Variants in SMG6 observed in about 807,000 individuals in gnomAD.
SMG6 encodes the protein telomerase-binding protein EST1A.
Under a neutral mutation model 142.2 loss-of-function variants are expected in SMG6, and 66 were observed. That is an observed-to-expected ratio of 0.46 (90% CI 0.38 to 0.57). SMG6 has a LOEUF of 0.57. Among genes scored for constraint, SMG6 ranks in the 20% least tolerant of loss-of-function variants. The pLI, the probability that SMG6 is intolerant of heterozygous loss-of-function variation, is 0.00. For missense variants in SMG6, 1,793 were observed against 1,832.0 expected, an observed-to-expected ratio of 0.98 and a Z score of 0.39; for synonymous variants, 779 against 702.4, an observed-to-expected ratio of 1.11 and a Z score of -1.72.
intron 16 of SMG6, among the ~76,000 whole-genome samples, chr17:2,067,012 T>A (rs1452285970): frequency 6.6e-6 from 1 of 151,944 alleles, no homozygotes; most frequent in Non-Finnish European, 1.5e-5. Flanking sequence ...AGGACGTGAG[T>A]CTACCAAGGA....
rs1415426546 is a variant in SMG6 at position 2,061,415 on chromosome 17, C to G, written c.*77G>C. 7.1e-7 allele frequency: 1 copy of G among 1,411,958 alleles called. No homozygotes were observed. The highest frequency in any genetic ancestry group is 9.6e-7 in the Non-Finnish European group (1 of 1,046,066). The allele number at this position is 1,411,958 out of a possible 1,614,324, so 87.5% of individuals were successfully genotyped here. Reference sequence around the variant, plus strand: ...TGGATTGGTGGCTCAGGCACGTGGGCATCTTCCGTGCTACACTGGGCGCCT... The same window carrying G: ...TGGATTGGTGGCTCAGGCACGTGGGGATCTTCCGTGCTACACTGGGCGCCT... On this transcript the variant is annotated 3_prime_UTR_variant, in exon 19 of 19. Coordinates refer to ENST00000263073, the MANE Select transcript of SMG6 (RefSeq NM_017575.5).
rs868057822 is a variant in SMG6, at chr17:2,184,338, G to C, written c.3155+2325C>G. ...AGATCATGCCACTGCACTTGAACCT[G>C]GGCAACAGAGCAAGACTCTGGGGGG... On this transcript the variant is annotated intron_variant, in intron 12 of 18. Coordinates refer to ENST00000263073, the MANE Select transcript of SMG6 (RefSeq NM_017575.5). 1.5e-4 allele frequency among the ~76,000 whole-genome samples: 22 copies of C among 149,550 alleles called. No homozygotes were observed. The South Asian group carries it at 1.7e-3, about 12-fold the overall frequency.
In SMG6 at chr17:2,283,628, C is replaced by T. The variant is rs754556862; in HGVS notation, c.2445G>A (p.Arg815=). The T allele has an allele frequency of 3.1e-6, 5 of 1,613,374 alleles. No individual in the cohort carries two copies. Among genetic ancestry groups the T allele is most frequent in the African/African-American group, 2.7e-5 (2 of 75,038 alleles). The change falls in exon 7 of 19, where the codon CGG becomes CGA. Residue 815 remains arginine (R), a synonymous_variant. Transcript: ENST00000263073. ...SLMSLFEETK[R]KAEQMEKKQH... is the part of the protein sequence containing the mutation. ...GTTCTGCCACATCCCCACTCACCTT[C>T]CGCTTGGTCTCTTCAAACAAGCTCA... is the stretch of plus-strand genomic sequence containing the variant.
At chr17:2,241,407 C>T (rs1042293959) in intron 9 of SMG6, among the ~76,000 whole-genome samples, 20 of 152,174 alleles carry the variant, frequency 1.3e-4, no homozygotes, top group Admixed American at 3.3e-4. Flanking sequence ...CCATAAAAAT[C>T]AAGACTATCC....
intron 13 of SMG6, among the ~76,000 whole-genome samples, chr17:2,132,141 G>A (rs933136157): frequency 1.3e-4 from 20 of 151,940 alleles, no homozygotes; most frequent in South Asian, 2.1e-4. Flanking sequence ...TCAAAGTGTC[G>A]GGATTACAGG....
At chr17:2,150,064 C>G (rs991475050) in intron 13 of SMG6, among the ~76,000 whole-genome samples, 1 of 152,186 alleles carries the variant, frequency 6.6e-6, no homozygotes, top group Non-Finnish European at 1.5e-5. Flanking sequence ...TGGTACCAGT[C>G]CATGGCTTGT....
intron 10 of SMG6, among the ~76,000 whole-genome samples, chr17:2,209,658 C>T (rs1215737576): frequency 2.0e-5 from 3 of 152,098 alleles, no homozygotes; most frequent in African/African-American, 4.8e-5. Context: ...GCCACTGCAC[C>T]CAATCTAAAT....
chr17:2,140,806 GT>G (rs1346016925), intron 13 of SMG6, among the ~76,000 whole-genome samples: 1 of 151,830 alleles, frequency 6.6e-6, no homozygotes, highest in Non-Finnish European at 1.5e-5. Context: ...ATCCATGCAT[GT>G]CAGACCTTGT....
At chr17:2,173,980 A>G (rs1208809551) in intron 12 of SMG6, among the ~76,000 whole-genome samples, 1 of 151,764 alleles carries the variant, frequency 6.6e-6, no homozygotes, top group Non-Finnish European at 1.5e-5. Flanking sequence ...TGGAACAGAT[A>G]ATATCCTATG....
intron 10 of SMG6, among the ~76,000 whole-genome samples, chr17:2,203,848 T>A (rs2072602416): frequency 6.6e-6 from 1 of 152,212 alleles, no homozygotes; most frequent in Non-Finnish European, 1.5e-5. Flanking sequence ...GGAGGGATAA[T>A]GCCTGCAGAC....
chr17:2,175,085 G>A (rs1597524722), intron 12 of SMG6, among the ~76,000 whole-genome samples: 1 of 152,202 alleles, frequency 6.6e-6, no homozygotes, highest in Admixed American at 6.5e-5. Context: ...GCACAGGGAG[G>A]CTCTTCCAGT....
intron 13 of SMG6, among the ~76,000 whole-genome samples, chr17:2,160,809 C>T (rs1462307310): frequency 2.0e-5 from 3 of 151,794 alleles, no homozygotes; most frequent in African/African-American, 7.3e-5. Context: ...CCACCCTGGA[C>T]AACAGGGCAA....
At chr17:2,064,137 A>G (rs1254742042) in intron 18 of SMG6, among the ~76,000 whole-genome samples, 2 of 152,120 alleles carry the variant, frequency 1.3e-5, no homozygotes, top group Non-Finnish European at 2.9e-5. Flanking sequence ...AGAAAGAAAC[A>G]CGCACAGAAA....
At chr17:2,295,012 G>A (rs2075115969) in intron 4 of SMG6, among the ~76,000 whole-genome samples, 1 of 152,020 alleles carries the variant, frequency 6.6e-6, no homozygotes, top group Non-Finnish European at 1.5e-5. Flanking sequence ...GAGTAGCTGG[G>A]ATTACAGGCA....
At chr17:2,148,643 G>C (rs2070738785) in intron 13 of SMG6, among the ~76,000 whole-genome samples, 1 of 152,178 alleles carries the variant, frequency 6.6e-6, no homozygotes, top group Admixed American at 6.5e-5. Flanking sequence ...CGGATCACTT[G>C]AGGCCAGGAG....
intron 13 of SMG6, chr17:2,087,706 T>G: frequency 1.0e-6 from 1 of 987,232 alleles, no homozygotes; most frequent in Middle Eastern, 5.2e-4. Context: ...TGAGGAAGGC[T>G]AGAAATACAG....
chr17:2,242,343 T>C (rs2073822894), intron 9 of SMG6, among the ~76,000 whole-genome samples: 1 of 124,864 alleles, frequency 8.0e-6, no homozygotes, highest in Non-Finnish European at 1.6e-5. Flanking sequence ...AAACCCCATC[T>C]CTACTGAAGA....
In SMG6 at chr17:2,085,246, C is replaced by T. The variant is rs2068526620; in HGVS notation, c.3534+479G>A. On this transcript the variant is annotated intron_variant, in intron 14 of 18. Transcript: ENST00000263073. The surrounding 1 kb of genome is among the most constrained non-coding windows in gnomAD (Gnocchi z 4.1). The stretch of plus-strand genomic sequence containing the variant: ...AAACAAGAGGAGAATTCCTTAATCA[C>T]ATCAGGATGTGCAGGAGGGAGGGAG... Among the ~76,000 whole-genome samples, 1 of 147,420 alleles carries T rather than the reference C, an allele frequency of 6.8e-6. No homozygotes were observed. Among genetic ancestry groups the T allele is most frequent in the Admixed American group, 6.8e-5 (1 of 14,762 alleles).
intron 9 of SMG6, among the ~76,000 whole-genome samples, chr17:2,241,639 C>T (rs184304930): frequency 6.6e-6 from 1 of 152,288 alleles, no homozygotes; most frequent in East Asian, 1.9e-4. Context: ...GATTCTCCCA[C>T]CTTGGCCTCT....
Sources: allele counts gnomAD v4.1 joint callset (sites outside exome capture counted in the v4.1 genomes callset), GRCh38; gene constraint gnomAD v4.1.1; non-coding constraint Gnocchi (gnomAD v3.1); transcripts MANE v1.5; gene names NCBI Gene and HGNC (gene_info 2026-07-23, HGNC 2026-07-21).